Variants in KCNC2 observed in about 807,000 individuals in gnomAD.
The protein encoded by KCNC2 is potassium voltage-gated channel subfamily C member 2, also known as voltage-gated potassium channel KCNC2.
Under a neutral mutation model 44.5 loss-of-function variants are expected in KCNC2, and 21 were observed. That is an observed-to-expected ratio of 0.47 (90% CI 0.33 to 0.68). The LOEUF (loss-of-function observed/expected upper bound fraction) is 0.68. Ranked by LOEUF, KCNC2 falls within the 30% of genes least tolerant of loss-of-function variation. The pLI is 0.01. For synonymous variants in KCNC2, 391 were observed against 339.1 expected, an observed-to-expected ratio of 1.15 and a Z score of -1.68; for missense variants, 589 against 826.2, an observed-to-expected ratio of 0.71 and a Z score of 3.52.
At chr12:75,157,431 A>G (rs1890838827) in intron 2 of KCNC2, among the ~76,000 whole-genome samples, 2 of 151,884 alleles carry the variant, frequency 1.3e-5, no homozygotes. Flanking sequence ...TTCTTGATGA[A>G]TCAGACAAAA....
intron 2 of KCNC2, among the ~76,000 whole-genome samples, chr12:75,169,907 C>G (rs900351826): frequency 6.6e-6 from 1 of 151,584 alleles, no homozygotes; most frequent in African/African-American, 2.4e-5. Context: ...GATTTTTAAA[C>G]CAAGGACCTG....
At chr12:75,194,769 T>G (rs2030610934) in intron 2 of KCNC2, among the ~76,000 whole-genome samples, 1 of 152,162 alleles carries the variant, frequency 6.6e-6, no homozygotes, top group Non-Finnish European at 1.5e-5. Context: ...GGAGCATAGG[T>G]AGTAACAAGA....
intron 2 of KCNC2, among the ~76,000 whole-genome samples, chr12:75,106,709 T>C (rs1362476229): frequency 6.6e-6 from 1 of 152,188 alleles, no homozygotes; most frequent in African/African-American, 2.4e-5. Context: ...TAATAGAGCA[T>C]CAATTCTGTA....
At chr12:75,152,390 A>G (rs1273357080) in intron 2 of KCNC2, among the ~76,000 whole-genome samples, 2 of 151,932 alleles carry the variant, frequency 1.3e-5, no homozygotes, top group African/African-American at 2.4e-5. Context: ...AGAAACCAAA[A>G]AAGAATGGTT....
At chr12:75,077,875 A>G (rs973661210) in intron 2 of KCNC2, among the ~76,000 whole-genome samples, 2 of 152,138 alleles carry the variant, frequency 1.3e-5, no homozygotes, top group African/African-American at 4.8e-5. Flanking sequence ...GTAGAAACAC[A>G]TGGTATACAG....
rs1435348546 is a variant in KCNC2, at chr12:75,207,702, G to A, written c.282C>T (p.Asp94=). ...NCSSRGGRAS[D]HPGGGREFFF... Reference sequence around the variant, plus strand: ...AGAACTCGCGGCCGCCACCGGGATGGTCGCTGGCCCTGCCGCCGCGGGAAC... The same window carrying A: ...AGAACTCGCGGCCGCCACCGGGATGATCGCTGGCCCTGCCGCCGCGGGAAC... The change falls in exon 2 of 5, where the codon GAC becomes GAT. Residue 94 remains aspartate, a synonymous_variant. Transcript: ENST00000549446. The surrounding 1 kb of genome is among the most constrained non-coding windows in gnomAD (Gnocchi z 4.1). 1.9e-6 allele frequency: 3 copies of A among 1,590,340 alleles called. No homozygotes were observed. Among genetic ancestry groups the A allele is most frequent in the Non-Finnish European group, 2.6e-6 (3 of 1,169,210 alleles).
At chr12:75,183,242 G>GC (rs544354179) in intron 2 of KCNC2, among the ~76,000 whole-genome samples, 111 of 152,214 alleles carry the variant, frequency 7.3e-4, no homozygotes, top group African/African-American at 2.6e-3. Context: ...AAATTTTGTT[G>GC]CCCCCCAAGC....
chr12:75,094,773 TG>T (rs1885782378), intron 2 of KCNC2, among the ~76,000 whole-genome samples: 1 of 151,666 alleles, frequency 6.6e-6, no homozygotes, highest in Non-Finnish European at 1.5e-5. Flanking sequence ...AGTCCTGATT[TG>T]GGAACAATAA....
At chr12:75,140,025 A>G (rs938455429) in intron 2 of KCNC2, 3 of 152,182 alleles carry the variant, frequency 2.0e-5, no homozygotes. Flanking sequence ...AATAAGAATC[A>G]TATATTAACT....
chr12:75,073,245 AT>A (rs1431301461), intron 2 of KCNC2, among the ~76,000 whole-genome samples: 1 of 152,198 alleles, frequency 6.6e-6, no homozygotes, highest in African/African-American at 2.4e-5. Context: ...ATAATAATGT[AT>A]AGCATTCAGT....
At chr12:75,065,081 G>T (rs1882700290) in intron 2 of KCNC2, among the ~76,000 whole-genome samples, 1 of 151,946 alleles carries the variant, frequency 6.6e-6, no homozygotes, top group Non-Finnish European at 1.5e-5. Flanking sequence ...AAGTATCAGT[G>T]AATTTCTTTA....
intron 2 of KCNC2, among the ~76,000 whole-genome samples, chr12:75,064,966 A>G (rs1200929501): frequency 1.3e-5 from 2 of 152,034 alleles, no homozygotes; most frequent in African/African-American, 2.4e-5. Flanking sequence ...GCATAGCACC[A>G]ACAAATATTA....
chr12:75,046,624 A>T (rs916714909), intron 4 of KCNC2, among the ~76,000 whole-genome samples: 2 of 151,820 alleles, frequency 1.3e-5, no homozygotes, highest in African/African-American at 4.8e-5. Flanking sequence ...TTATTATTTA[A>T]CATGTACATA....
At chr12:75,155,987 T>C (rs1374868997) in intron 2 of KCNC2, among the ~76,000 whole-genome samples, 5 of 151,366 alleles carry the variant, frequency 3.3e-5, no homozygotes, top group Admixed American at 6.6e-5. Flanking sequence ...GCACAGTTTC[T>C]TTAGAGGAAG....
chr12:75,207,579 C>T lies in KCNC2; in HGVS notation c.405G>A (p.Glu135=). The T allele has an allele frequency of 6.2e-7, 1 of 1,612,144 alleles. No individual in the cohort carries two copies. Among genetic ancestry groups the T allele is most frequent in the Non-Finnish European group, 8.5e-7 (1 of 1,179,890 alleles). Reference sequence around the variant, plus strand: ...CGATGCCCCAGAAGGCCAGCTCCTCCTCGAAGAGCGGCCCGCACACGTCTG... The same window carrying T: ...CGATGCCCCAGAAGGCCAGCTCCTCTTCGAAGAGCGGCCCGCACACGTCTG... ...CPADVCGPLF[E]EELAFWGIDE... The change falls in exon 2 of 5, where the codon GAG becomes GAA. Residue 135 remains glutamate, a synonymous_variant. Transcript: ENST00000549446. The surrounding 1 kb of genome is among the most constrained non-coding windows in gnomAD (Gnocchi z 4.1).
chr12:75,149,518 C>T (rs7975112), intron 2 of KCNC2, among the ~76,000 whole-genome samples: 4,956 of 151,746 alleles, frequency 0.033, 273 homozygotes, highest in African/African-American at 0.11. Flanking sequence ...TCTTGCCAGT[C>T]CTCTAAGAAG....
At position 75,054,540 on chromosome 12, in the gene KCNC2, C is replaced by A. The variant is rs1056220712; in HGVS notation, c.688-3223G>T. Among the ~76,000 whole-genome samples, 9 of 152,034 alleles carry A rather than the reference C, an allele frequency of 5.9e-5. No individual in the cohort carries two copies. The South Asian group carries it at 6.2e-4, about 11-fold the overall frequency. ...AGAATATTAAATTTTAAGATGATGCCTTTTCTGTTTTGCTTTCAGCAAAAG... is the reference window on the plus strand; with the variant it reads ...AGAATATTAAATTTTAAGATGATGCATTTTCTGTTTTGCTTTCAGCAAAAG... On this transcript the variant is annotated intron_variant, in intron 2 of 4. Transcript: ENST00000549446.
chr12:75,135,859 G>T (rs1889190758), intron 2 of KCNC2, among the ~76,000 whole-genome samples: 1 of 151,938 alleles, frequency 6.6e-6, no homozygotes, highest in Non-Finnish European at 1.5e-5. Context: ...GTCACTCTAT[G>T]TGTACCCAGA....
chr12:75,049,005 T>C (rs1370486022), intron 3 of KCNC2, among the ~76,000 whole-genome samples: 9 of 152,104 alleles, frequency 5.9e-5, no homozygotes, highest in African/African-American at 2.2e-4. Context: ...TAGTGTGTCC[T>C]CTTTTCCCAT....
Sources: gnomAD v4.1 joint callset for allele counts (sites outside exome capture counted in the v4.1 genomes callset) on GRCh38, gnomAD v4.1.1 for gene constraint, Gnocchi (gnomAD v3.1) non-coding constraint, MANE v1.5 for transcripts, NCBI Gene and HGNC (gene_info 2026-07-23, HGNC 2026-07-21) for gene names.